Variants in OPTC observed in about 807,000 individuals in gnomAD.
OPTC encodes oculoglycan.
In OPTC, 22 loss-of-function variants were observed where a neutral mutation model predicts 25.4. That is an observed-to-expected ratio of 0.87 (90% CI 0.62 to 1.24). The LOEUF is 1.24. Ranked by LOEUF, OPTC falls within the 50% of genes most tolerant of loss-of-function variation. The pLI is 0.00. For missense variants in OPTC, 417 were observed against 425.2 expected (o/e 0.98, Z 0.17); for synonymous variants, 169 against 179.3 (o/e 0.94, Z 0.46).
chr1:203,495,036 AAACT>A (rs1661255732), intron 1 of OPTC, among the ~76,000 whole-genome samples: 1 of 152,234 alleles, frequency 6.6e-6, no homozygotes, highest in African/African-American at 2.4e-5. Context: ...TATATTTCAT[AAACT>A]AACATTCTTT....
chr1:203,506,649 A>G (rs775865906), intron 7 of OPTC, among the ~76,000 whole-genome samples: 37 of 152,152 alleles, frequency 2.4e-4, no homozygotes, highest in Non-Finnish European at 4.9e-4. Context: ...TGCCAGACCT[A>G]TAATAGAAGC....
At chr1:203,502,484 G>T (rs1489350966) in intron 5 of OPTC, among the ~76,000 whole-genome samples, 2 of 152,134 alleles carry the variant, frequency 1.3e-5, no homozygotes, top group Non-Finnish European at 2.9e-5. Context: ...TGATTGGGAG[G>T]TCTTGTTTAG....
At position 203,508,446 on chromosome 1, in the gene OPTC, G is replaced by A. The variant is rs530147882; in HGVS notation, c.*26-200G>A. 1.3e-4 allele frequency among the ~76,000 whole-genome samples: 20 copies of A among 152,166 alleles called. No homozygotes were observed. In the South Asian group the frequency reaches 2.3e-3, roughly 17 times the overall value. On this transcript the variant is annotated intron_variant, in intron 7 of 7. Transcript: ENST00000367222. ...AGACACACGGCCCCCCATCTCTGCC[G>A]CACCCCTACATGCCTGTGTCTGTGT...
Position 203,503,413 on chromosome 1 carries a change from C to G in OPTC, c.829-137C>G, listed in dbSNP as rs914297346. 5.9e-6 allele frequency: 5 copies of G among 847,440 alleles called. No homozygotes were observed. The African/African-American group carries it at 6.6e-5, about 11-fold the overall frequency. The allele number at this position is 847,440 out of a possible 1,614,324, so 52.5% of individuals were successfully genotyped here. A position where few individuals can be genotyped will look rare whatever the true frequency, so the allele number is the denominator to read the frequency against. ...TCCTCTTCTCACCCTTGTTGTGTGG[C>G]TTTGGCCCTAGATGCTTCAGTTTCT... is the stretch of plus-strand genomic sequence containing the variant. On this transcript the variant is annotated intron_variant, in intron 6 of 7. Transcript: ENST00000367222.
chr1:203,506,145 C>CTTTTTTTTTTTTTTT (rs78639556), intron 7 of OPTC, among the ~76,000 whole-genome samples: 1 of 89,464 alleles, frequency 1.1e-5, no homozygotes. Flanking sequence ...ATCCAATTTT[C>CTTTTTTTTTTTTTTT]TTTTTTCTTT....
chr1:203,502,748 A>T (rs188647356), intron 5 of OPTC, among the ~76,000 whole-genome samples, 166 bp from the exon 6 acceptor site: 24 of 152,242 alleles, frequency 1.6e-4, no homozygotes, highest in Middle Eastern at 6.8e-3. Context: ...ATCCTTAAAG[A>T]CCTGGGCAAC....
intron 7 of OPTC, among the ~76,000 whole-genome samples, chr1:203,505,400 G>A (rs1354918646): frequency 1.3e-5 from 2 of 152,180 alleles, no homozygotes; most frequent in African/African-American, 2.4e-5. Context: ...AAACCCAAAG[G>A]AGTGGGAGTT....
intron 5 of OPTC, among the ~76,000 whole-genome samples, chr1:203,501,606 C>G (rs190808381): frequency 6.6e-6 from 1 of 152,294 alleles, no homozygotes; most frequent in East Asian, 1.9e-4. Flanking sequence ...TTAGAAGCAT[C>G]AAATAAACCA....
chr1:203,508,837 C>T lies in OPTC; in HGVS notation c.*217C>T, dbSNP rs1371295603. 2.0e-5 allele frequency: 3 copies of T among 152,220 alleles called. No homozygotes were observed. Among genetic ancestry groups the T allele is most frequent in the Non-Finnish European group, 4.4e-5 (3 of 68,094 alleles). 9.4% of individuals were successfully genotyped at this position (152,220 alleles called of 1,614,324 possible). On this transcript the variant is annotated 3_prime_UTR_variant, in exon 8 of 8. Coordinates refer to ENST00000367222, the MANE Select transcript of OPTC (RefSeq NM_014359.4). ...AGCCCAAGGACCACCTCCTTCCTGCCTCATTGTAATAAAATTCCCCACACT... is the reference window on the plus strand; with the variant it reads ...AGCCCAAGGACCACCTCCTTCCTGCTTCATTGTAATAAAATTCCCCACACT...
chr1:203,495,656 C>T (rs1661265344), intron 1 of OPTC, among the ~76,000 whole-genome samples: 2 of 152,172 alleles, frequency 1.3e-5, no homozygotes, highest in Non-Finnish European at 2.9e-5. Flanking sequence ...CAGTGTGTGC[C>T]TCGTTTGTAA....
chr1:203,496,125 C>A lies in OPTC; in HGVS notation c.120C>A (p.Ser40=), dbSNP rs754959016. 3.1e-6 allele frequency: 5 copies of A among 1,614,014 alleles called. No homozygotes were observed. The highest frequency in any genetic ancestry group is 2.2e-5 in the East Asian group (1 of 44,888). Residue 40 remains serine, a synonymous_variant, in exon 2 of 8, where the codon TCC becomes TCA. Coordinates refer to ENST00000367222, the MANE Select transcript of OPTC (RefSeq NM_014359.4). The part of the protein sequence containing the change: ...REEQMPREGD[S]FEVLPLRNDV... ...AGCAGATGCCCAGGGAAGGCGATTC[C>A]TTTGAAGTTCTGCCTCTGCGGAATG... is the stretch of plus-strand genomic sequence containing the variant.
chr1:203,503,558 G>C lies in OPTC; in HGVS notation c.837G>C (p.Leu279=). The change falls in exon 7 of 8, where the codon CTG becomes CTC. Residue 279 remains leucine (L), a synonymous_variant. Coordinates refer to ENST00000367222, the MANE Select transcript of OPTC (RefSeq NM_014359.4). Reference sequence around the variant, plus strand: ...GTATGTGTTCTTCCCAGAATAACCTGATAGAGACCATGCAGAGAGACGTCT... The same window carrying C: ...GTATGTGTTCTTCCCAGAATAACCTCATAGAGACCATGCAGAGAGACGTCT... ...SLRSVHLQNN[L]IETMQRDVFC... is the part of the protein sequence containing the mutation. The C allele has an allele frequency of 6.2e-7, 1 of 1,613,494 alleles. No homozygotes were observed. Among genetic ancestry groups the C allele is most frequent in the Non-Finnish European group, 8.5e-7 (1 of 1,180,034 alleles).
chr1:203,506,371 G>A (rs1661487984), intron 7 of OPTC, among the ~76,000 whole-genome samples: 1 of 151,662 alleles, frequency 6.6e-6, no homozygotes, highest in Non-Finnish European at 1.5e-5. Flanking sequence ...GGCTGGTCTC[G>A]AACTCCTGAC....
chr1:203,506,857 T>C (rs1467222695), intron 7 of OPTC, among the ~76,000 whole-genome samples: 1 of 152,200 alleles, frequency 6.6e-6, no homozygotes, highest in Admixed American at 6.5e-5. Context: ...CACACTCCAA[T>C]GCAGACACCA....
chr1:203,496,291 C>A, intron 2 of OPTC, 55 bp downstream of exon 2: 2 of 1,310,920 alleles, frequency 1.5e-6, no homozygotes, highest in Admixed American at 1.7e-5. Context: ...GAGTCAGAGG[C>A]CAGGGCCCTC....
intron 7 of OPTC, among the ~76,000 whole-genome samples, 178 bp from the exon 8 acceptor site, chr1:203,508,468 G>C (rs1055565067): frequency 6.6e-6 from 1 of 152,120 alleles, no homozygotes; most frequent in Non-Finnish European, 1.5e-5. Context: ...GCCTGTGTCT[G>C]TGTCCTCCTT....
chr1:203,494,668 A>G (rs768075011), intron 1 of OPTC, among the ~76,000 whole-genome samples: 5 of 152,154 alleles, frequency 3.3e-5, no homozygotes, highest in Non-Finnish European at 7.3e-5. Flanking sequence ...ATAAAATAAA[A>G]ATTAAAAGAT....
At chr1:203,496,348 T>G in intron 2 of OPTC, 112 bp downstream of exon 2, 1 of 755,764 alleles carries the variant, frequency 1.3e-6, no homozygotes, top group Non-Finnish European at 2.4e-6. Flanking sequence ...CCTCTTTCTC[T>G]GTGAGGTGGA....
intron 1 of OPTC, among the ~76,000 whole-genome samples, chr1:203,494,706 G>A (rs917777247): frequency 1.3e-5 from 2 of 151,942 alleles, no homozygotes. Flanking sequence ...AAAGAAAGAG[G>A]GAGAGTCTAC....
Sources: allele counts gnomAD v4.1 joint callset (sites outside exome capture counted in the v4.1 genomes callset), GRCh38; gene constraint gnomAD v4.1.1; transcripts MANE v1.5; gene names NCBI Gene and HGNC (gene_info 2026-07-23, HGNC 2026-07-21).